SPHKAP: variants seen among roughly 807,000 people sequenced by gnomAD.
SPHKAP encodes the protein SPHK1 interactor, AKAP domain containing, also known as A-kinase anchor protein SPHKAP.
A neutral mutation model predicts 137.5 loss-of-function variants in SPHKAP; 67 were observed. The ratio of observed to expected loss-of-function variants is 0.49; its 90% confidence interval spans 0.40 to 0.60. SPHKAP has a LOEUF of 0.60. Ranked by LOEUF, SPHKAP falls within the 20% of genes least tolerant of loss-of-function variation. The probability of loss-of-function intolerance (pLI) is 0.00; values close to 1 mark genes in which losing one functional copy is unlikely to be tolerated. For missense variants in SPHKAP, 2,097 were observed against 2,069.3 expected (o/e 1.01, Z -0.26); for synonymous variants, 813 against 785.3 (o/e 1.04, Z -0.59).
intron 11 of SPHKAP, among the ~76,000 whole-genome samples, chr2:227,985,698 G>A (rs1387259208): frequency 6.6e-6 from 1 of 152,166 alleles, no homozygotes; most frequent in Admixed American, 6.5e-5. Flanking sequence ...TATATCATCT[G>A]TAGACTCATT....
intron 9 of SPHKAP, among the ~76,000 whole-genome samples, chr2:227,993,003 C>T (rs1386361897): frequency 6.6e-6 from 1 of 152,052 alleles, no homozygotes; most frequent in Admixed American, 6.6e-5. Context: ...AGTACCTGTC[C>T]TTCTCTAAGT....
chr2:228,110,727 C>A lies in SPHKAP; in HGVS notation c.139-1788G>T, dbSNP rs1698492260. Among the ~76,000 whole-genome samples the A allele has an allele frequency of 6.6e-5, 10 of 152,308 alleles. No individual in the cohort carries two copies. In the South Asian group the frequency reaches 2.1e-3, roughly 32 times the overall value. On this transcript the variant is annotated intron_variant, in intron 2 of 11. Transcript: ENST00000392056. ...CACAACAGACTGAATGCAGAGGCAG[C>A]TAGGACAGCTCAGCTGTCTTGTATC...
chr2:228,129,788 T>C (rs13388454), intron 2 of SPHKAP, among the ~76,000 whole-genome samples: 50,168 of 148,534 alleles, frequency 0.34, 8,883 homozygotes, highest in East Asian at 0.5. Context: ...GCTTTAGTTT[T>C]AATTTTTTTC....
chr2:228,091,830 C>A (rs565142924), intron 3 of SPHKAP, among the ~76,000 whole-genome samples: 17 of 152,110 alleles, frequency 1.1e-4, no homozygotes, highest in African/African-American at 4.1e-4. Flanking sequence ...AGAATGTGAA[C>A]TAGTACAACC....
At chr2:227,983,594 C>T (rs867719733) in intron 11 of SPHKAP, among the ~76,000 whole-genome samples, 7 of 151,312 alleles carry the variant, frequency 4.6e-5, no homozygotes, top group African/African-American at 9.7e-5. Flanking sequence ...CAAGACCAAG[C>T]GTGAGTCAAA....
chr2:228,077,743 G>A (rs1559160982), intron 3 of SPHKAP, among the ~76,000 whole-genome samples: 1 of 152,180 alleles, frequency 6.6e-6, no homozygotes, highest in African/African-American at 2.4e-5. Context: ...ATGAGTTAAG[G>A]TTTTGGGGGA....
At chr2:228,166,160 G>C (rs1700417545) in intron 1 of SPHKAP, among the ~76,000 whole-genome samples, 1 of 152,102 alleles carries the variant, frequency 6.6e-6, no homozygotes, top group Non-Finnish European at 1.5e-5. Context: ...AATTGATGAG[G>C]CTGTTTATGA....
rs368732119 is a variant in SPHKAP, at chr2:228,170,360, T to G, written c.32+11207A>C. On this transcript the variant is annotated intron_variant, in intron 1 of 11. Coordinates refer to ENST00000392056, the MANE Select transcript of SPHKAP (RefSeq NM_001142644.2). Reference sequence around the variant, plus strand: ...ACTGATAAAGCAGTGACAGAGATTGTGAGGATTGATTCTAATTTTGAAAGT... The same window carrying G: ...ACTGATAAAGCAGTGACAGAGATTGGGAGGATTGATTCTAATTTTGAAAGT... Among the ~76,000 whole-genome samples the G allele has an allele frequency of 1.1e-3, 169 of 152,230 alleles. 1 individual carries two copies. Among genetic ancestry groups the G allele is most frequent in the Middle Eastern group, 0.01 (3 of 294 alleles).
chr2:228,097,892 A>C (rs1308050876), intron 3 of SPHKAP, among the ~76,000 whole-genome samples: 1 of 152,220 alleles, frequency 6.6e-6, no homozygotes. Flanking sequence ...ATAGATGGGA[A>C]TCTGGGTTAA....
At chr2:228,176,975 TAACTCTGTAACACCAAGAAA>T (rs368571572) in intron 1 of SPHKAP, among the ~76,000 whole-genome samples, 6,247 of 152,290 alleles carry the variant, frequency 0.041, 172 homozygotes, top group Non-Finnish European at 0.062. Context: ...TTTGTAGCTG[TAACTCTGTAACACCAAGAAA>T]AAACTCAGTT....
intron 11 of SPHKAP, among the ~76,000 whole-genome samples, chr2:227,986,494 C>A (rs1365575465): frequency 1.3e-5 from 2 of 152,006 alleles, no homozygotes; most frequent in Non-Finnish European, 2.9e-5. Flanking sequence ...GATGGGTGCA[C>A]CAAAGTCTCA....
chr2:228,047,772 A>G (rs1408069705), intron 3 of SPHKAP, among the ~76,000 whole-genome samples: 1 of 152,178 alleles, frequency 6.6e-6, no homozygotes, highest in Non-Finnish European at 1.5e-5. Flanking sequence ...ATGATCTGAA[A>G]CTTGAAATCA....
intron 2 of SPHKAP, among the ~76,000 whole-genome samples, chr2:228,118,878 A>G (rs1233965449): frequency 6.6e-6 from 1 of 152,222 alleles, no homozygotes; most frequent in African/African-American, 2.4e-5. Flanking sequence ...AATAACAACA[A>G]CAAAAAAACC....
intron 2 of SPHKAP, among the ~76,000 whole-genome samples, chr2:228,111,405 C>A (rs569164496): frequency 7.9e-5 from 12 of 152,094 alleles, no homozygotes; most frequent in African/African-American, 2.9e-4. Context: ...GCTATTCTCT[C>A]AGAACTTGGG....
At position 228,044,986 on chromosome 2, in the gene SPHKAP, C is replaced by G. The variant is rs374967625; in HGVS notation, c.247-17443G>C. On this transcript the variant is annotated intron_variant, in intron 3 of 11. Coordinates refer to ENST00000392056, the MANE Select transcript of SPHKAP (RefSeq NM_001142644.2). ...AGAAGACATTTATGCAGCCAAAAAA[C>G]ACATGAAAAAATGCTCATCATCACT... is the stretch of plus-strand genomic sequence containing the variant. Among the ~76,000 whole-genome samples, 112 of 152,144 alleles carry G rather than the reference C, an allele frequency of 7.4e-4. 1 individual carries two copies. The highest frequency in any genetic ancestry group is 3.4e-3 in the Middle Eastern group (1 of 294).
chr2:228,128,958 T>C (rs115522969), intron 2 of SPHKAP, among the ~76,000 whole-genome samples: 2,801 of 152,252 alleles, frequency 0.018, 90 homozygotes, highest in African/African-American at 0.064. Context: ...GCATAATACA[T>C]AGGGGCCCTA....
intron 3 of SPHKAP, among the ~76,000 whole-genome samples, chr2:228,028,643 G>A (rs1000850936): frequency 2.0e-5 from 3 of 152,116 alleles, no homozygotes; most frequent in African/African-American, 7.2e-5. Context: ...AGTTGCCTGT[G>A]GTATTTAGGA....
chr2:228,036,772 C>G (rs951507150), intron 3 of SPHKAP, among the ~76,000 whole-genome samples: 4 of 151,970 alleles, frequency 2.6e-5, no homozygotes, highest in Non-Finnish European at 5.9e-5. Context: ...TTTCCGAAAA[C>G]TATCGCAAGG....
chr2:227,997,112 C>A (rs1356376726), intron 7 of SPHKAP, among the ~76,000 whole-genome samples: 1 of 152,196 alleles, frequency 6.6e-6, no homozygotes, highest in East Asian at 1.9e-4. Flanking sequence ...ATTAAAGTAC[C>A]TAAAGCATAT....
Sources: allele counts gnomAD v4.1 joint callset (sites outside exome capture counted in the v4.1 genomes callset), GRCh38; gene constraint gnomAD v4.1.1; transcripts MANE v1.5; gene names NCBI Gene and HGNC (gene_info 2026-07-23, HGNC 2026-07-21).